BMPER: variants seen among roughly 807,000 people sequenced by gnomAD.
The protein encoded by BMPER is BMP-binding endothelial regulator protein.
BMPER carries 45 observed loss-of-function variants against 87.3 expected under a neutral mutation model. The ratio of observed to expected loss-of-function variants is 0.52; its 90% CI spans 0.41 to 0.66. The LOEUF (loss-of-function observed/expected upper bound fraction) is 0.66. BMPER is among the 30% of genes least tolerant of loss of function. The pLI is 0.00. For missense variants in BMPER, 784 were observed against 867.5 expected (o/e 0.90, Z 1.21); for synonymous variants, 326 against 316.2 (o/e 1.03, Z -0.33).
chr7:33,962,822 A>T (rs1300405483), intron 3 of BMPER, among the ~76,000 whole-genome samples: 1 of 152,160 alleles, frequency 6.6e-6, no homozygotes, highest in African/African-American at 2.4e-5. Flanking sequence ...TAAAGAAAAA[A>T]AAAAGCTGCT....
chr7:34,110,884 C>T (rs1019993394), intron 13 of BMPER, among the ~76,000 whole-genome samples: 3 of 152,134 alleles, frequency 2.0e-5, no homozygotes, highest in Non-Finnish European at 4.4e-5. Context: ...TTGTAGGTCT[C>T]TGGGGTTAAA....
chr7:34,055,280 A>C lies in BMPER; in HGVS notation c.904A>C (p.Lys302Gln), dbSNP rs555635258. ...RVPPEDIKVCKFGNKIFQDGE... is the reference protein window; with the variant it reads ...RVPPEDIKVCQFGNKIFQDGE... Reference sequence around the variant, plus strand: ...GCCCCCAGAAGACATCAAAGTATGCAAATTTGGCAACAAGATTTTCCAGGT... The same window carrying C: ...GCCCCCAGAAGACATCAAAGTATGCCAATTTGGCAACAAGATTTTCCAGGT... The change falls in exon 9 of 15, where the codon AAA becomes CAA. Residue 302 changes from lysine (K) to glutamine (Q), a missense_variant. Coordinates refer to ENST00000649409, the MANE Select transcript of BMPER (RefSeq NM_001365308.1). The C allele has an allele frequency of 1.3e-5, 21 of 1,614,150 alleles. No homozygotes were observed. The African/African-American group carries it at 2.7e-4, about 20-fold the overall frequency.
chr7:34,150,600 T>A (rs1791146160), intron 14 of BMPER, among the ~76,000 whole-genome samples: 1 of 152,118 alleles, frequency 6.6e-6, no homozygotes, highest in African/African-American at 2.4e-5. Context: ...GGGTATTCTG[T>A]TAGTCACTGA....
intron 8 of BMPER, among the ~76,000 whole-genome samples, chr7:34,054,468 A>G (rs762127851): frequency 6.6e-6 from 1 of 152,214 alleles, no homozygotes; most frequent in Non-Finnish European, 1.5e-5. Context: ...TTTACATTTA[A>G]GAGGCACAGT....
At chr7:34,008,236 G>A (rs1400855022) in intron 6 of BMPER, among the ~76,000 whole-genome samples, 1 of 151,918 alleles carries the variant, frequency 6.6e-6, no homozygotes, top group Non-Finnish European at 1.5e-5. Context: ...CTACTGGGTT[G>A]TTGGTCTTTC....
At chr7:34,076,685 G>C (rs778159471) in intron 11 of BMPER, among the ~76,000 whole-genome samples, 12 of 151,992 alleles carry the variant, frequency 7.9e-5, no homozygotes, top group Non-Finnish European at 1.3e-4. Context: ...AGAGCGTTAG[G>C]GTATGTGATG....
rs115402442 is a variant in BMPER at position 33,941,920 on chromosome 7, A to G, written c.319+4532A>G. Among the ~76,000 whole-genome samples, 701 of 152,286 alleles carry G rather than the reference A, an allele frequency of 4.6e-3. 4 individuals are homozygous for G. The highest frequency in any genetic ancestry group is 0.016 in the African/African-American group (667 of 41,552). On this transcript the variant is annotated intron_variant, in intron 3 of 14. Coordinates refer to ENST00000649409, the MANE Select transcript of BMPER (RefSeq NM_001365308.1). ...TGTATTTTGAATGGTATCTGCATTC[A>G]GAGGTAATACCTTTTGCAGTTTTTA...
At chr7:33,928,109 C>G (rs1271076321) in intron 2 of BMPER, among the ~76,000 whole-genome samples, 1 of 152,086 alleles carries the variant, frequency 6.6e-6, no homozygotes, top group Non-Finnish European at 1.5e-5. Flanking sequence ...TCTGCCGCAC[C>G]GACCCCATCC....
At chr7:33,956,111 A>G (rs956764091) in intron 3 of BMPER, among the ~76,000 whole-genome samples, 7 of 152,336 alleles carry the variant, frequency 4.6e-5, no homozygotes, top group African/African-American at 1.4e-4. Context: ...CTTAAATGTG[A>G]AATGGAAAAC....
chr7:33,913,678 T>C (rs893327030), intron 2 of BMPER, among the ~76,000 whole-genome samples: 2 of 152,184 alleles, frequency 1.3e-5, no homozygotes, highest in Admixed American at 6.5e-5. Context: ...CTCCAAACCA[T>C]GCCCAAAAAG....
intron 4 of BMPER, among the ~76,000 whole-genome samples, chr7:33,967,631 C>T (rs989525298): frequency 1.3e-5 from 2 of 151,964 alleles, no homozygotes; most frequent in Non-Finnish European, 2.9e-5. Context: ...ATTTTTATTC[C>T]AGGTTGTTGC....
intron 13 of BMPER, among the ~76,000 whole-genome samples, chr7:34,132,670 T>C (rs926976123): frequency 1.3e-5 from 2 of 152,184 alleles, no homozygotes; most frequent in African/African-American, 2.4e-5. Context: ...CCCTCTCTCA[T>C]TTCTGGGCTG....
Position 33,988,703 on chromosome 7 carries a change from G to A in BMPER, c.576+13919G>A, listed in dbSNP as rs1029514704. On this transcript the variant is annotated intron_variant, in intron 6 of 14. Transcript: ENST00000649409. Reference sequence around the variant, plus strand: ...ATATGTATACATGTGCCATGCTGGTGCGCTGTACCCACTAACTCGTCATCT... The same window carrying A: ...ATATGTATACATGTGCCATGCTGGTACGCTGTACCCACTAACTCGTCATCT... Among the ~76,000 whole-genome samples the A allele has an allele frequency of 5.8e-4, 88 of 151,352 alleles. 1 individual carries two copies. The highest frequency in any genetic ancestry group is 3.4e-4 in the Non-Finnish European group (23 of 67,880).
intron 13 of BMPER, among the ~76,000 whole-genome samples, chr7:34,102,211 C>A (rs937961516): frequency 6.6e-6 from 1 of 152,148 alleles, no homozygotes; most frequent in Non-Finnish European, 1.5e-5. Flanking sequence ...GTCCTCCTCC[C>A]AGTTCCTCAT....
At chr7:33,923,708 T>C (rs1166342651) in intron 2 of BMPER, among the ~76,000 whole-genome samples, 1 of 152,188 alleles carries the variant, frequency 6.6e-6, no homozygotes, top group Non-Finnish European at 1.5e-5. Context: ...TCACTTACAG[T>C]TGTTCATGCA....
intron 6 of BMPER, among the ~76,000 whole-genome samples, chr7:34,019,967 TC>T (rs1242919596): frequency 2.0e-5 from 3 of 147,956 alleles, no homozygotes; most frequent in African/African-American, 5.0e-5. Flanking sequence ...TTTTTTTTTT[TC>T]CCCAGGCTGA....
chr7:34,111,136 T>C (rs1472918645), intron 13 of BMPER, among the ~76,000 whole-genome samples: 2 of 152,196 alleles, frequency 1.3e-5, no homozygotes, highest in Non-Finnish European at 2.9e-5. Context: ...GTTGGAAAAA[T>C]TATTGAGGAG....
chr7:34,062,003 G>A lies in BMPER; in HGVS notation c.1034G>A (p.Gly345Asp), dbSNP rs1788450029. Residue 345 changes from glycine (G) to aspartate (D), a missense_variant and splice_region_variant, in exon 11 of 15, where the codon GGC (glycine) becomes GAC (aspartate). Transcript: ENST00000649409. ...QCIPISSCPQ[G>D]KILNRKGCCP... ...TGTATTTGTTTTTCTTCTGATTAGG[G>A]CAAAATTCTCAACAGAAAAGGATGC... 1 of 1,602,646 alleles carries A rather than the reference G, an allele frequency of 6.2e-7. No homozygotes were observed.
intron 6 of BMPER, among the ~76,000 whole-genome samples, chr7:34,024,413 A>G (rs1787301210): frequency 2.0e-5 from 1 of 49,204 alleles, no homozygotes. Context: ...ATATATATAT[A>G]TATATATATA....
Sources: allele counts gnomAD v4.1 joint callset (sites outside exome capture counted in the v4.1 genomes callset), GRCh38; gene constraint gnomAD v4.1.1; transcripts MANE v1.5; gene names NCBI Gene and HGNC (gene_info 2026-07-23, HGNC 2026-07-21).